The following C5orf63 variants were observed in gnomAD, a reference collection of about 807,000 sequenced individuals.
The protein encoded by C5orf63 is glutaredoxin-like protein C5orf63.
A neutral mutation model predicts 13.3 loss-of-function variants in C5orf63; 18 were observed. The observed-to-expected ratio is 1.36, with a 90% CI of 0.94 to 2.01. The LOEUF (loss-of-function observed/expected upper bound fraction) is 2.01, where lower values mean the gene tolerates loss of function less well. Ranked by LOEUF, C5orf63 falls within the 30% of genes most tolerant of loss-of-function variation. The pLI is 0.00. For missense variants in C5orf63, 118 were observed against 127.7 expected (o/e 0.92, Z 0.36); for synonymous variants, 38 against 44.7 (o/e 0.85, Z 0.60).
At chr5:127,050,496 A>G (rs1354319821), downstream of C5orf63, among the ~76,000 whole-genome samples, 5 of 152,056 alleles carry the variant, frequency 3.3e-5, no homozygotes, top group Non-Finnish European at 1.5e-5. Context: ...AGTTGATTCC[A>G]GATTTGTGTT....
chr5:127,069,576 C>T (rs946551983), intron 2 of C5orf63, among the ~76,000 whole-genome samples: 4 of 152,204 alleles, frequency 2.6e-5, no homozygotes, highest in Admixed American at 1.3e-4. Flanking sequence ...TCATTCATTG[C>T]TTGCCATTTT....
intron 2 of C5orf63, among the ~76,000 whole-genome samples, chr5:127,069,877 A>G (rs1754469693): frequency 6.6e-6 from 1 of 152,184 alleles, no homozygotes; most frequent in African/African-American, 2.4e-5. Flanking sequence ...TAATGCTTAA[A>G]GTCTTTCATA....
At chr5:127,051,045 C>T (rs890974704), downstream of C5orf63, among the ~76,000 whole-genome samples, 2 of 152,126 alleles carry the variant, frequency 1.3e-5, no homozygotes, top group Non-Finnish European at 1.5e-5. Context: ...AACCTACTGT[C>T]TTAAAATAAG....
At chr5:127,045,791 T>C (rs1196769889) in exon 5 of C5orf63, 2 of 152,262 alleles carry the variant, frequency 1.3e-5, no homozygotes, top group Non-Finnish European at 2.9e-5. Context: ...ATCTTTATTG[T>C]CTGTCTCTCC....
At chr5:127,064,377 G>A (rs1412737924) in intron 2 of C5orf63, among the ~76,000 whole-genome samples, 1 of 152,148 alleles carries the variant, frequency 6.6e-6, no homozygotes, top group Admixed American at 6.5e-5. Context: ...CTCAGCCTTA[G>A]CATCCAGGTG....
chr5:127,072,311 T>C (rs1261947511), intron 1 of C5orf63, among the ~76,000 whole-genome samples: 2 of 151,964 alleles, frequency 1.3e-5, no homozygotes, highest in Non-Finnish European at 2.9e-5. Flanking sequence ...CCAGGGTGTA[T>C]CTTTTTTCCC....
intron 2 of C5orf63, among the ~76,000 whole-genome samples, chr5:127,064,938 T>C (rs1042390982): frequency 2.0e-5 from 3 of 152,194 alleles, no homozygotes; most frequent in African/African-American, 4.8e-5. Flanking sequence ...CTTCACTTAG[T>C]AGATGCACAT....
intron 2 of C5orf63, among the ~76,000 whole-genome samples, chr5:127,071,213 A>G (rs1754526336): frequency 6.6e-6 from 1 of 152,274 alleles, no homozygotes; most frequent in Middle Eastern, 3.4e-3. Flanking sequence ...ATAACACAAT[A>G]CCACAGTGAT....
At chr5:127,043,446 G>A (rs1397833594), downstream of C5orf63, 2 of 152,154 alleles carry the variant, frequency 1.3e-5, no homozygotes, top group Non-Finnish European at 2.9e-5. Flanking sequence ...TCACAGAGCA[G>A]GATCATTGCC....
intron 4 of C5orf63, chr5:127,052,288 T>C (rs1443361529): frequency 1.5e-5 from 5 of 327,890 alleles, no homozygotes; most frequent in South Asian, 1.2e-4. Flanking sequence ...TGATGGTGTG[T>C]TACGTGAAAA....
intron 4 of C5orf63, chr5:127,052,268 T>C: frequency 3.1e-6 from 1 of 325,996 alleles, no homozygotes; most frequent in Non-Finnish European, 5.6e-6. Flanking sequence ...TTACAGGAAC[T>C]GGAAAGGTGT....
chr5:127,044,317 T>C (rs1239805051), downstream of C5orf63: 1 of 152,168 alleles, frequency 6.6e-6, no homozygotes, highest in African/African-American at 2.4e-5. Flanking sequence ...TATGTGCTGC[T>C]TCTCCTCTTT....
downstream of C5orf63, chr5:127,047,921 G>A (rs759027918): frequency 6.1e-5 from 41 of 675,508 alleles, no homozygotes; most frequent in Admixed American, 3.6e-4. Context: ...GGTTGCTATG[G>A]GAGAAAGAAA....
At chr5:127,063,895 AAC>A (rs765548676) in intron 2 of C5orf63, among the ~76,000 whole-genome samples, 1 of 151,992 alleles carries the variant, frequency 6.6e-6, no homozygotes, top group Non-Finnish European at 1.5e-5. Flanking sequence ...TGTACACACA[AAC>A]ACACACACAC....
intron 2 of C5orf63, among the ~76,000 whole-genome samples, chr5:127,066,757 A>G (rs1754347847): frequency 1.3e-5 from 2 of 152,102 alleles, no homozygotes; most frequent in African/African-American, 4.8e-5. Flanking sequence ...AAACTAGGTG[A>G]AATCATCTAA....
intron 3 of C5orf63, among the ~76,000 whole-genome samples, chr5:127,052,905 C>T (rs2126882856): frequency 6.6e-6 from 1 of 152,238 alleles, no homozygotes; most frequent in Admixed American, 6.5e-5. Context: ...TGATTTTTCT[C>T]CATAAATCAA....
intron 2 of C5orf63, among the ~76,000 whole-genome samples, chr5:127,061,127 T>C (rs1272240820): frequency 6.6e-6 from 1 of 152,168 alleles, no homozygotes; most frequent in Non-Finnish European, 1.5e-5. Context: ...TAAAGATCAG[T>C]GCTCCTCAGG....
chr5:127,056,911 C>T (rs1753907778), intron 3 of C5orf63, among the ~76,000 whole-genome samples: 1 of 152,204 alleles, frequency 6.6e-6, no homozygotes. Context: ...GGAGTACCAT[C>T]TTCTTGTGTG....
intron 2 of C5orf63, 87 bp from the exon 3 acceptor site, chr5:127,059,089 G>T: frequency 1.2e-6 from 1 of 820,694 alleles, no homozygotes; most frequent in Non-Finnish European, 2.0e-6. Context: ...GCTTATGATG[G>T]AATTTGCGGG....
Sources: gnomAD v4.1 joint callset for allele counts (sites outside exome capture counted in the v4.1 genomes callset) on GRCh38, gnomAD v4.1.1 for gene constraint, MANE v1.5 for transcripts, NCBI Gene and HGNC (gene_info 2026-07-23, HGNC 2026-07-21) for gene names.